The following ADAM20 variants were observed in gnomAD, a reference collection of about 807,000 sequenced individuals.
ADAM20 encodes disintegrin and metalloproteinase domain-containing protein 20.
For synonymous variants in ADAM20, 305 were observed against 310.2 expected, an observed-to-expected ratio of 0.98 and a Z score of 0.18; for missense variants, 871 against 883.2, an observed-to-expected ratio of 0.99 and a Z score of 0.18.
At chr14:70,550,703 T>C in the ADAM20 span, among the ~76,000 whole-genome samples, 1 of 38,252 alleles carries the variant, frequency 2.6e-5, no homozygotes, top group Non-Finnish European at 4.3e-5. Flanking sequence ...CCAGATGGAT[T>C]CACAGCCGAA....
Position 70,523,073 on chromosome 14 carries a change from C to T in ADAM20, c.1685G>A (p.Gly562Glu), listed in dbSNP as rs146384000. The change falls in exon 2 of 2, where the codon GGG becomes GAG. Residue 562 changes from glycine to glutamate, a missense_variant. Coordinates refer to ENST00000256389, the MANE Select transcript of ADAM20 (RefSeq NM_003814.5). ...VKCWTPDIMCGRVQCENVGVI... is the reference protein window; with the variant it reads ...VKCWTPDIMCERVQCENVGVI... ...TCCCACATTTTCACACTGAACCCTC[C>T]CACACATGATATCAGGGGTCCAACA... The T allele has an allele frequency of 1.2e-6, 2 of 1,613,868 alleles. No individual in the cohort carries two copies. Among genetic ancestry groups the T allele is most frequent in the African/African-American group, 1.3e-5 (1 of 74,900 alleles).
At chr14:70,559,343 C>G in the ADAM20 span, among the ~76,000 whole-genome samples, 3 of 150,814 alleles carry the variant, frequency 2.0e-5, no homozygotes, top group African/African-American at 7.3e-5. Context: ...CACAACCGAT[C>G]TGTCAGCAAA....
the ADAM20 span, among the ~76,000 whole-genome samples, chr14:70,560,626 T>C: frequency 2.0e-5 from 3 of 152,110 alleles, no homozygotes; most frequent in South Asian, 2.1e-4. Context: ...TGGGAGATGA[T>C]TGGATCATGG....
Position 70,523,737 on chromosome 14 carries a change from C to T in ADAM20, c.1021G>A (p.Gly341Ser), listed in dbSNP as rs1268496729. 1.2e-6 allele frequency: 2 copies of T among 1,613,970 alleles called. No homozygotes were observed. Among genetic ancestry groups the T allele is most frequent in the South Asian group, 1.1e-5 (1 of 91,074 alleles). Residue 341 changes from glycine to serine, a missense_variant, in exon 2 of 2, where the codon GGC becomes AGC. Coordinates refer to ENST00000256389, the MANE Select transcript of ADAM20 (RefSeq NM_003814.5). ...NRLVVFAITL[G>S]HELGHNLGMQ... ...CCCAAATTATGACCAAGCTCGTGGC[C>T]CAAAGTAATTGCAAAAACGACCAAC...
chr14:70,524,956 G>A, intron 1 of ADAM20, 23 bp from the exon 2 acceptor site: 1 of 1,530,372 alleles, frequency 6.5e-7, no homozygotes, highest in Non-Finnish European at 8.8e-7. Context: ...GGATGGGGTG[G>A]GTGGGATAGA....
chr14:70,523,657 A>G lies in ADAM20; in HGVS notation c.1101T>C (p.His367=). The G allele has an allele frequency of 6.2e-7, 1 of 1,614,092 alleles. No individual in the cohort carries two copies. ...CVCELQWCIM[H]AYRKVTTKFS... ...ATTTAGTTGTCACCTTTCTATAGGCATGCATTATGCACCACTGTAGCTCGC... is the reference window on the plus strand; with the variant it reads ...ATTTAGTTGTCACCTTTCTATAGGCGTGCATTATGCACCACTGTAGCTCGC... The change falls in exon 2 of 2, where the codon CAT becomes CAC. Residue 367 remains histidine (H), a synonymous_variant. Coordinates refer to ENST00000256389, the MANE Select transcript of ADAM20 (RefSeq NM_003814.5).
At chr14:70,531,610 A>T (rs375395670) in intron 1 of ADAM20, among the ~76,000 whole-genome samples, 1 of 152,146 alleles carries the variant, frequency 6.6e-6, no homozygotes, top group South Asian at 2.1e-4. Flanking sequence ...AACTCTAAAG[A>T]TTCTACAAAA....
the ADAM20 span, among the ~76,000 whole-genome samples, chr14:70,555,136 C>T: frequency 6.6e-6 from 1 of 152,088 alleles, no homozygotes; most frequent in African/African-American, 2.4e-5. Context: ...CCCTATTTAC[C>T]TGCCTCAGTT....
At chr14:70,570,026 T>C in the ADAM20 span, among the ~76,000 whole-genome samples, 1 of 151,440 alleles carries the variant, frequency 6.6e-6, no homozygotes, top group African/African-American at 2.4e-5. Context: ...ACATGCAACA[T>C]TCTCTAAATT....
chr14:70,540,899 T>A, the ADAM20 span, among the ~76,000 whole-genome samples: 4 of 152,192 alleles, frequency 2.6e-5, no homozygotes, highest in Non-Finnish European at 5.9e-5. Flanking sequence ...TTCAAGAGAT[T>A]CTCTTGCCTC....
the ADAM20 span, among the ~76,000 whole-genome samples, chr14:70,576,944 A>G: frequency 1.3e-5 from 2 of 152,208 alleles, no homozygotes; most frequent in African/African-American, 2.4e-5. Context: ...TGTTTCCCAC[A>G]GTAAATGTTC....
chr14:70,572,043 G>T, the ADAM20 span, among the ~76,000 whole-genome samples: 6 of 152,088 alleles, frequency 3.9e-5, no homozygotes, highest in African/African-American at 1.4e-4. Context: ...TAACTAAAAT[G>T]ACCAAACTGC....
chr14:70,578,957 G>T, the ADAM20 span, among the ~76,000 whole-genome samples: 1 of 152,228 alleles, frequency 6.6e-6, no homozygotes, highest in South Asian at 2.1e-4. Flanking sequence ...TTCCATTTCT[G>T]TGTTAATTTG....
the ADAM20 span, among the ~76,000 whole-genome samples, chr14:70,577,553 C>T: frequency 6.6e-6 from 1 of 152,118 alleles, no homozygotes; most frequent in Non-Finnish European, 1.5e-5. Flanking sequence ...ACTTTCAAGC[C>T]TTGAAAGAAA....
the ADAM20 span, among the ~76,000 whole-genome samples, chr14:70,553,621 T>G: frequency 4.7e-5 from 7 of 149,368 alleles, no homozygotes; most frequent in African/African-American, 1.5e-4. Flanking sequence ...CACTGGGATG[T>G]AAGGATGGTT....
chr14:70,553,525 T>TAAAAAAAAAAAA, the ADAM20 span, among the ~76,000 whole-genome samples: 1 of 57,010 alleles, frequency 1.8e-5, no homozygotes, highest in East Asian at 4.4e-4. Flanking sequence ...GCAAAAATCC[T>TAAAAAAAAAAAA]AAAAAAAAAA....
upstream of ADAM20, among the ~76,000 whole-genome samples, chr14:70,538,452 A>C (rs1360518385): frequency 1.3e-5 from 2 of 152,228 alleles, no homozygotes; most frequent in African/African-American, 4.8e-5. Flanking sequence ...AAGAGTGCTC[A>C]GCTTAATTAA....
At chr14:70,563,934 G>T in the ADAM20 span, among the ~76,000 whole-genome samples, 2 of 152,170 alleles carry the variant, frequency 1.3e-5, no homozygotes, top group African/African-American at 4.8e-5. Flanking sequence ...CTAATACAAA[G>T]AGCAAACTTA....
the ADAM20 span, among the ~76,000 whole-genome samples, chr14:70,540,936 G>T: frequency 6.6e-6 from 1 of 152,140 alleles, no homozygotes; most frequent in Non-Finnish European, 1.5e-5. Context: ...GGGACTATTG[G>T]CACATGCCAC....
Sources: gnomAD v4.1 joint callset for allele counts (sites outside exome capture counted in the v4.1 genomes callset) on GRCh38, gnomAD v4.1.1 for gene constraint, MANE v1.5 for transcripts, NCBI Gene and HGNC (gene_info 2026-07-23, HGNC 2026-07-21) for gene names.